FES: variants seen among roughly 807,000 people sequenced by gnomAD.
FES encodes FES proto-oncogene, tyrosine kinase, also known as tyrosine-protein kinase Fes/Fps.
FES carries 83 observed loss-of-function variants against 109.6 expected under a neutral mutation model. The ratio of observed to expected loss-of-function variants is 0.76; its 90% CI spans 0.63 to 0.91. The LOEUF is 0.91. Ranked by LOEUF, FES falls within the 40% of genes least tolerant of loss-of-function variation. The pLI, the probability that FES is intolerant of heterozygous loss-of-function variation, is 0.00. For missense variants in FES, 943 were observed against 1,070.9 expected (o/e 0.88, Z 1.67); for synonymous variants, 458 against 442.1 (o/e 1.04, Z -0.45).
intron 18 of FES, among the ~76,000 whole-genome samples, chr15:90,894,501 C>G (rs985815000): frequency 6.6e-6 from 1 of 152,148 alleles, no homozygotes; most frequent in African/African-American, 2.4e-5. Flanking sequence ...GGGAGAATTG[C>G]TTGAACCCAG....
chr15:90,891,567 T>C lies in FES; in HGVS notation c.1544T>C (p.Leu515Pro). 1 of 1,613,782 alleles carries C rather than the reference T, an allele frequency of 6.2e-7. No homozygotes were observed. The change falls in exon 12 of 19, where the codon CTG becomes CCG. Residue 515 changes from leucine (L) to proline (P), a missense_variant. Leu to Pro is a moderately conservative substitution (Grantham distance 98). Coordinates refer to ENST00000328850, the MANE Select transcript of FES (RefSeq NM_002005.4). ...IIQSLDNLYRLEGEGFPSIPL... is the reference protein window; with the variant it reads ...IIQSLDNLYRPEGEGFPSIPL... ...CCTGCCCTGCAGAACCTGTACCGAC[T>C]GGAAGGGGAAGGCTTTCCTAGCATT...
Position 90,889,521 on chromosome 15 carries a change from G to C in FES, c.811G>C (p.Ala271Pro). The change falls in exon 7 of 19, where the codon GCA becomes CCA. Residue 271 changes from alanine (A) to proline (P), a missense_variant. Ala to Pro is a conservative substitution (Grantham distance 27). Transcript: ENST00000328850. This position sits in a 1 kb window ranked among gnomAD's most constrained non-coding sequence, Gnocchi z 6.1. ...ACGGGGCGCTGTCCCCCACAGGTCC[G>C]CACCTGACGTCCCACCCTGTGTCAC... ...YQGFLRQYGS[A>P]PDVPPCVTFD... The C allele has an allele frequency of 1.9e-6, 3 of 1,613,842 alleles. No individual in the cohort carries two copies. Among genetic ancestry groups the C allele is most frequent in the Non-Finnish European group, 2.5e-6 (3 of 1,180,014 alleles).
In FES at chr15:90,895,658, T is replaced by C. The variant is rs1596121901; in HGVS notation, c.*100T>C. On this transcript the variant is annotated 3_prime_UTR_variant, in exon 19 of 19. Transcript: ENST00000328850. The stretch of plus-strand genomic sequence containing the variant: ...CTGACAGCTCTTCACAGTCCTGGAC[T>C]CCTGCCACCAGCATCCACACTGCCG... The C allele has an allele frequency of 9.0e-7, 1 of 1,106,444 alleles. No individual in the cohort carries two copies. The highest frequency in any genetic ancestry group is 1.2e-6 in the Non-Finnish European group (1 of 817,574). The allele number at this position is 1,106,444 out of a possible 1,614,324, so 68.5% of individuals were successfully genotyped here.
rs772816067 is a variant in FES, at chr15:90,889,962, G to T, written c.1049G>T (p.Arg350Leu). The T allele has an allele frequency of 6.2e-7, 1 of 1,612,860 alleles. No individual in the cohort carries two copies. ...GAGGAGAACACCCACCCCCGGGAGC[G>T]GTGAGTGGGCCCCTGCCTGCAGCAG... ...NEEENTHPRE[R>L]VQLLGKRQVL... The change falls in exon 8 of 19, where the codon CGG becomes CTG. Residue 350 changes from arginine to leucine, a missense_variant and splice_region_variant. Coordinates refer to ENST00000328850, the MANE Select transcript of FES (RefSeq NM_002005.4). The surrounding 1 kb of genome is among the most constrained non-coding windows in gnomAD (Gnocchi z 6.1).
rs776193183 is a variant in FES at position 90,894,009 on chromosome 15, C to T, written c.2277C>T (p.Ser759=). The stretch of plus-strand genomic sequence containing the variant: ...GGGAGACCTTCAGCCTGGGGGCCTC[C>T]CCCTATCCCAACCTCAGCAATCAGC... ...LLWETFSLGA[S]PYPNLSNQQT... Residue 759 remains serine, a synonymous_variant, in exon 18 of 19, where the codon TCC becomes TCT. Coordinates refer to ENST00000328850, the MANE Select transcript of FES (RefSeq NM_002005.4). The T allele has an allele frequency of 2.5e-6, 4 of 1,613,900 alleles. No individual in the cohort carries two copies. Among genetic ancestry groups the T allele is most frequent in the East Asian group, 4.5e-5 (2 of 44,866 alleles).
chr15:90,891,919 A>T, intron 12 of FES, 139 bp from the exon 13 acceptor site: 2 of 1,122,116 alleles, frequency 1.8e-6, no homozygotes, highest in Non-Finnish European at 2.6e-6. Flanking sequence ...TGGACCCCGT[A>T]GTCATCTCAG....
intron 18 of FES, among the ~76,000 whole-genome samples, chr15:90,894,519 A>C (rs1449947343): frequency 6.6e-6 from 1 of 152,184 alleles, no homozygotes; most frequent in Non-Finnish European, 1.5e-5. Context: ...CAGGAGGCGG[A>C]GGCTGCAGTG....
chr15:90,889,462 C>T lies in FES; in HGVS notation c.806+19C>T, dbSNP rs368207980. On this transcript the variant is annotated intron_variant, in intron 6 of 18. Transcript: ENST00000328850. The surrounding 1 kb of genome is among the most constrained non-coding windows in gnomAD (Gnocchi z 6.1). ...AGTATGGGTAAGCCCCGTCCTTGCTCCTGCTGGGCCCAGGGCTGCTGGCCT... is the reference window on the plus strand; with the variant it reads ...AGTATGGGTAAGCCCCGTCCTTGCTTCTGCTGGGCCCAGGGCTGCTGGCCT... 7.4e-6 allele frequency: 12 copies of T among 1,613,790 alleles called. No individual in the cohort carries two copies. In the African/African-American group the frequency reaches 9.3e-5, roughly 13 times the overall value.
At position 90,895,624 on chromosome 15, in the gene FES, G is replaced by C; in HGVS notation, c.*66G>C. ...TAGGTGCAGCTCCTCAGCGGCTCCA[G>C]CTCATATGCTGACAGCTCTTCACAG... On this transcript the variant is annotated 3_prime_UTR_variant, in exon 19 of 19. Transcript: ENST00000328850. 7.2e-7 allele frequency: 1 copy of C among 1,392,322 alleles called. No homozygotes were observed. Among genetic ancestry groups the C allele is most frequent in the South Asian group, 1.5e-5 (1 of 66,064 alleles). 86.2% of individuals were successfully genotyped at this position (1,392,322 alleles called of 1,614,324 possible).
rs967470597 is a variant in FES, at chr15:90,893,323, G to C, written c.1954G>C (p.Gly652Arg). 1.3e-5 allele frequency: 21 copies of C among 1,576,718 alleles called. No individual in the cohort carries two copies. The highest frequency in any genetic ancestry group is 1.8e-5 in the Non-Finnish European group (21 of 1,161,150). ...CTTCCTGACCTTCCTCCGCACGGAG[G>C]GGGCCCGCCTGCGGGTGAAGACTCT... ...GDFLTFLRTE[G>R]ARLRVKTLLQ... The change falls in exon 16 of 19, where the codon GGG becomes CGG. Residue 652 changes from glycine to arginine, a missense_variant. Gly to Arg is a moderately radical substitution (Grantham distance 125). Coordinates refer to ENST00000328850, the MANE Select transcript of FES (RefSeq NM_002005.4).
intron 3 of FES, among the ~76,000 whole-genome samples, chr15:90,886,270 C>T (rs960755707): frequency 3.3e-5 from 5 of 152,242 alleles, no homozygotes; most frequent in Non-Finnish European, 5.9e-5. Flanking sequence ...TAAAGTTTTG[C>T]TGGAACACAG....
rs200508852 is a variant in FES, at chr15:90,887,153, C to T, written c.485-34C>T. On this transcript the variant is annotated intron_variant, in intron 4 of 18. Transcript: ENST00000328850. Reference sequence around the variant, plus strand: ...AGTGGGGGCTGCCTGGGCCTCCATGCTGTCATCTATACCCCTTGCCCCCCT... The same window carrying T: ...AGTGGGGGCTGCCTGGGCCTCCATGTTGTCATCTATACCCCTTGCCCCCCT... 152 of 1,611,964 alleles carry T rather than the reference C, an allele frequency of 9.4e-5. 1 individual carries two copies. In the Admixed American group the frequency reaches 2.5e-3, roughly 26 times the overall value.
Position 90,887,066 on chromosome 15 carries a change from C to T in FES, c.484+9C>T, listed in dbSNP as rs1290582513. 2 of 1,613,846 alleles carry T rather than the reference C, an allele frequency of 1.2e-6. No individual in the cohort carries two copies. Among genetic ancestry groups the T allele is most frequent in the Non-Finnish European group, 1.7e-6 (2 of 1,179,976 alleles). On this transcript the variant is annotated intron_variant, in intron 4 of 18. Coordinates refer to ENST00000328850, the MANE Select transcript of FES (RefSeq NM_002005.4). ...CCAGGAGGCCAGCAAAGGTTCGTGG[C>T]TTCCCTTGCTGGCAGGGAGGGAATC...
chr15:90,891,980 A>C (rs938927611), intron 12 of FES, 78 bp from the exon 13 acceptor site: 2 of 1,572,854 alleles, frequency 1.3e-6, no homozygotes, highest in East Asian at 2.2e-5. Context: ...GCGCCAAAAA[A>C]TGGAGGACAC....
chr15:90,891,904 C>T lies in FES; in HGVS notation c.1654-154C>T, dbSNP rs552917715. Among the ~76,000 whole-genome samples, 309 of 152,354 alleles carry T rather than the reference C, an allele frequency of 2.0e-3. 3 individuals are homozygous for T. The highest frequency in any genetic ancestry group is 3.9e-3 in the Non-Finnish European group (267 of 68,026). ...GTTGGTGCTTACCTGGTCAGGGCAC[C>T]TGCCTGGACCCCGTAGTCATCTCAG... On this transcript the variant is annotated intron_variant, in intron 12 of 18. Transcript: ENST00000328850.
In FES at chr15:90,889,607, C is replaced by T. The variant is rs141095601; in HGVS notation, c.897C>T (p.Asn299=). ...EPLEPGELQL[N]ELTVESVQHT... is the part of the protein sequence containing the mutation. The stretch of plus-strand genomic sequence containing the variant: ...TGGAGCCTGGGGAGCTCCAGCTGAA[C>T]GAGCTGACTGTGGAGAGCGTGCAGC... The change falls in exon 7 of 19, where the codon AAC becomes AAT. Residue 299 remains asparagine, a synonymous_variant. Transcript: ENST00000328850. This position sits in a 1 kb window ranked among gnomAD's most constrained non-coding sequence, Gnocchi z 6.1. 97 of 1,613,522 alleles carry T rather than the reference C, an allele frequency of 6.0e-5. No individual in the cohort carries two copies. Among genetic ancestry groups the T allele is most frequent in the Non-Finnish European group, 7.4e-5 (87 of 1,179,982 alleles).
In FES at chr15:90,887,353, G is replaced by A. The variant is rs368888354; in HGVS notation, c.651G>A (p.Glu217=). ...GLLRSLQDLH[E]EMACILKEIL... ...TGCGGTCACTGCAGGACCTGCACGA[G>A]GAGATGGCTTGCATCCTGTAAGCCC... The change falls in exon 5 of 19, where the codon GAG becomes GAA. Residue 217 remains glutamate, a synonymous_variant. Coordinates refer to ENST00000328850, the MANE Select transcript of FES (RefSeq NM_002005.4). 1.9e-5 allele frequency: 30 copies of A among 1,611,414 alleles called. No homozygotes were observed. Among genetic ancestry groups the A allele is most frequent in the Non-Finnish European group, 2.5e-5 (30 of 1,179,124 alleles).
Position 90,885,490 on chromosome 15 carries a change from C to A in FES, c.292C>A (p.Pro98Thr). Reference protein sequence around the residue: ...RQHAEDLNSGPLSKLSLLIRE... With the variant: ...RQHAEDLNSGTLSKLSLLIRE... The stretch of plus-strand genomic sequence containing the variant: ...GCACGCAGAGGATCTGAACTCAGGG[C>A]CCCTGAGCAAGCTGAGCCTGCTCAT... Residue 98 changes from proline to threonine, a missense_variant, in exon 3 of 19, where the codon CCC becomes ACC. By Grantham distance (38) the Pro-to-Thr change is conservative. Transcript: ENST00000328850. 1 of 1,613,436 alleles carries A rather than the reference C, an allele frequency of 6.2e-7. No individual in the cohort carries two copies. The highest frequency in any genetic ancestry group is 8.5e-7 in the Non-Finnish European group (1 of 1,180,028).
At chr15:90,886,456 C>T (rs534460389) in intron 3 of FES, among the ~76,000 whole-genome samples, 28 of 152,272 alleles carry the variant, frequency 1.8e-4, no homozygotes, top group South Asian at 6.2e-4. Context: ...TGAGGTTGGG[C>T]GCTTGCCCAA....
Sources: gnomAD v4.1 joint callset for allele counts (sites outside exome capture counted in the v4.1 genomes callset) on GRCh38, gnomAD v4.1.1 for gene constraint, Gnocchi (gnomAD v3.1) non-coding constraint, MANE v1.5 for transcripts, NCBI Gene and HGNC (gene_info 2026-07-23, HGNC 2026-07-21) for gene names.